TANC2: variants seen among roughly 807,000 people sequenced by gnomAD.
TANC2 encodes tetratricopeptide repeat, ankyrin repeat and coiled-coil containing 2, also known as protein TANC2.
A neutral mutation model predicts 210.5 loss-of-function variants in TANC2; 26 were observed. The ratio of observed to expected loss-of-function variants is 0.12; its 90% confidence interval spans 0.09 to 0.17. TANC2 has a LOEUF of 0.17. Among genes scored for constraint, TANC2 ranks in the 10% least tolerant of loss-of-function variants. The pLI is 1.00. For synonymous variants in TANC2, 931 were observed against 967.1 expected (o/e 0.96, Z 0.69); for missense variants, 2,129 against 2,608.9 (o/e 0.82, Z 4.01).
rs151177944 is a variant in TANC2, at chr17:63,418,936, G to A, written c.4268+529G>A. ...CCATCACCCACCACACACACACAGA[G>A]TCAAGAGGTCCTTGCTGCCAGGATG... On this transcript the variant is annotated intron_variant, in intron 27 of 27. Transcript: ENST00000689528. This position sits in a 1 kb window ranked among gnomAD's most constrained non-coding sequence, Gnocchi z 4.6. Among the ~76,000 whole-genome samples, 2 of 152,216 alleles carry A rather than the reference G, an allele frequency of 1.3e-5. No individual in the cohort carries two copies. Among genetic ancestry groups the A allele is most frequent in the African/African-American group, 4.8e-5 (2 of 41,534 alleles).
intron 4 of TANC2, among the ~76,000 whole-genome samples, chr17:63,115,200 T>C (rs2038207114): frequency 6.6e-6 from 1 of 152,164 alleles, no homozygotes; most frequent in South Asian, 2.1e-4. Flanking sequence ...AAAAACTTAC[T>C]AGGTAGAAGA....
At chr17:63,316,310 C>T (rs377226788) in intron 10 of TANC2, among the ~76,000 whole-genome samples, 1 of 123,984 alleles carries the variant, frequency 8.1e-6, no homozygotes, top group Non-Finnish European at 1.6e-5. Context: ...CTCAAGCTCT[C>T]TGTGACTCCT....
chr17:63,282,945 T>G (rs1309833445), intron 9 of TANC2, among the ~76,000 whole-genome samples: 1 of 152,088 alleles, frequency 6.6e-6, no homozygotes, highest in Non-Finnish European at 1.5e-5. Flanking sequence ...CAGTGTCTTT[T>G]GAAGACAGAA....
chr17:63,367,375 C>A (rs1177370163), intron 14 of TANC2, among the ~76,000 whole-genome samples: 2 of 152,174 alleles, frequency 1.3e-5, no homozygotes, highest in East Asian at 3.9e-4. Context: ...AATTCGTACA[C>A]TTTCTCAAAA....
intron 5 of TANC2, among the ~76,000 whole-genome samples, chr17:63,158,082 G>C (rs543375506): frequency 6.6e-6 from 1 of 152,268 alleles, no homozygotes; most frequent in South Asian, 2.1e-4. Context: ...GTTGTGTTGT[G>C]TGTATGCGTG....
chr17:63,335,972 A>C (rs1040283503), intron 11 of TANC2, among the ~76,000 whole-genome samples: 2 of 152,216 alleles, frequency 1.3e-5, no homozygotes, highest in African/African-American at 4.8e-5. Flanking sequence ...CTGCCAAAAA[A>C]AAAAATGGTA....
At chr17:63,354,651 C>G in intron 13 of TANC2, 132 bp from the exon 14 acceptor site, 1 of 1,181,832 alleles carries the variant, frequency 8.5e-7, no homozygotes, top group Non-Finnish European at 1.2e-6. Context: ...TTTTTGGATA[C>G]TAATACTTGA....
At position 63,388,879 on chromosome 17, in the gene TANC2, ATAATT is replaced by A. The variant is rs1599007020; in HGVS notation, c.2814+127_2814+131del. ...TGTCTTTCTTATTAGCCTTTTATTG[ATAATT>A]TAATATATTTTAAATTGTTAAATTT... On this transcript the variant is annotated intron_variant, in intron 16 of 27. Transcript: ENST00000689528. 1.2e-5 allele frequency: 8 copies of A among 670,618 alleles called. No homozygotes were observed. The East Asian group carries it at 2.3e-4, about 20-fold the overall frequency. The allele number at this position is 670,618 out of a possible 1,614,324, so 41.5% of individuals were successfully genotyped here.
chr17:63,040,034 TC>T (rs2035123535), intron 2 of TANC2, among the ~76,000 whole-genome samples: 1 of 152,204 alleles, frequency 6.6e-6, no homozygotes, highest in Non-Finnish European at 1.5e-5. Flanking sequence ...AATGTCTCTT[TC>T]CCTATATTGT....
At chr17:63,230,214 T>C (rs2042437266) in intron 7 of TANC2, among the ~76,000 whole-genome samples, 1 of 152,126 alleles carries the variant, frequency 6.6e-6, no homozygotes, top group African/African-American at 2.4e-5. Context: ...ATTTTATTAA[T>C]TTTTTTCAAA....
chr17:62,976,455 G>GTTT (rs553720202), intron 1 of TANC2, among the ~76,000 whole-genome samples: 1 of 140,172 alleles, frequency 7.1e-6, no homozygotes. Context: ...GGTTTGTCTG[G>GTTT]TTTTTTTTTT....
chr17:63,337,157 G>A (rs1018426009), intron 11 of TANC2, among the ~76,000 whole-genome samples: 2 of 152,156 alleles, frequency 1.3e-5, no homozygotes, highest in African/African-American at 4.8e-5. Context: ...TTGAGCCACA[G>A]TGCAAATCTA....
intron 4 of TANC2, among the ~76,000 whole-genome samples, chr17:63,114,239 T>G (rs1200028645): frequency 1.3e-5 from 2 of 152,134 alleles, no homozygotes; most frequent in East Asian, 3.8e-4. Context: ...AGTCAACATA[T>G]AAAATAAAAA....
exon 7 of TANC2, chr17:63,200,842 T>C (rs771100968): frequency 4.3e-6 from 7 of 1,613,844 alleles, no homozygotes; most frequent in Non-Finnish European, 5.9e-6. Context: ...CACCAGCCAG[T>C]AGCCCCTGCT....
chr17:63,090,339 TCTC>T (rs1598383275), intron 3 of TANC2, among the ~76,000 whole-genome samples: 1 of 151,784 alleles, frequency 6.6e-6, no homozygotes, highest in African/African-American at 2.4e-5. Flanking sequence ...ATTAGGTACA[TCTC>T]CTAGTGCCAT....
At chr17:63,133,686 G>A (rs1374929070) in intron 4 of TANC2, among the ~76,000 whole-genome samples, 1 of 152,054 alleles carries the variant, frequency 6.6e-6, no homozygotes, top group Non-Finnish European at 1.5e-5. Context: ...ATTTTACCTA[G>A]TCAGCATATT....
In TANC2 at chr17:63,165,778, G is replaced by A. The variant is rs887371546; in HGVS notation, c.433+14398G>A. Among the ~76,000 whole-genome samples the A allele has an allele frequency of 2.6e-5, 4 of 152,124 alleles. No individual in the cohort carries two copies. The East Asian group carries it at 5.8e-4, about 22-fold the overall frequency. On this transcript the variant is annotated intron_variant, in intron 5 of 27. Coordinates refer to ENST00000689528, the Ensembl canonical transcript of TANC2. ...CCACATTTGAATGAATTGTGCTATT[G>A]ATGAGGAAATCCAGGCCAATAAGGG... is the stretch of plus-strand genomic sequence containing the variant.
intron 2 of TANC2, among the ~76,000 whole-genome samples, chr17:63,057,265 GAGA>G (rs946112096): frequency 1.1e-4 from 16 of 152,288 alleles, no homozygotes; most frequent in Admixed American, 6.5e-4. Context: ...CCAAGTAAAA[GAGA>G]AGAAGTATAC....
In TANC2 at chr17:63,420,293, C is replaced by T; in HGVS notation, c.4563C>T (p.Leu1521=). ...CAGAGGCCCGGCCCAGCCAGGGGCT[C>T]CCGGTCATCCAGAGCCCACCCTCCT... is the stretch of plus-strand genomic sequence containing the variant. Residue 1521 remains leucine, a synonymous_variant, in exon 28 of 28, where the codon CTC becomes CTT. Coordinates refer to ENST00000689528, the Ensembl canonical transcript of TANC2. This position sits in a 1 kb window ranked among gnomAD's most constrained non-coding sequence, Gnocchi z 4.2. 1 of 1,613,900 alleles carries T rather than the reference C, an allele frequency of 6.2e-7. No individual in the cohort carries two copies. Among genetic ancestry groups the T allele is most frequent in the Non-Finnish European group, 8.5e-7 (1 of 1,179,866 alleles).
Sources: gnomAD v4.1 joint callset for allele counts (sites outside exome capture counted in the v4.1 genomes callset) on GRCh38, gnomAD v4.1.1 for gene constraint, Gnocchi (gnomAD v3.1) non-coding constraint, MANE v1.5 for transcripts, NCBI Gene and HGNC (gene_info 2026-07-23, HGNC 2026-07-21) for gene names.